OXR1: variants seen among roughly 807,000 people sequenced by gnomAD.
The protein encoded by OXR1 is oxidation resistance 1.
A neutral mutation model predicts 104.6 loss-of-function variants in OXR1; 41 were observed. The ratio of observed to expected loss-of-function variants is 0.39; its 90% CI spans 0.31 to 0.51. The LOEUF is 0.51. Ranked by LOEUF, OXR1 falls within the 20% of genes least tolerant of loss-of-function variation. OXR1 has a pLI of 0.77. For missense variants in OXR1, 955 were observed against 1,031.9 expected, an observed-to-expected ratio of 0.93 and a Z score of 1.02; for synonymous variants, 348 against 348.4, an observed-to-expected ratio of 1.00 and a Z score of 0.01.
chr8:106,270,304 G>C lies in OXR1; in HGVS notation c.-202G>C, dbSNP rs1212804922. Reference sequence around the variant, plus strand: ...GCCGCGCCGCCCAGCCCCGCCGAGAGGGGCGCACTCGCCGCCGCGGGGCCC... The same window carrying C: ...GCCGCGCCGCCCAGCCCCGCCGAGACGGGCGCACTCGCCGCCGCGGGGCCC... On this transcript the variant is annotated 5_prime_UTR_variant, in exon 1 of 17. Coordinates refer to ENST00000517566, the MANE Select transcript of OXR1 (RefSeq NM_001198533.2). The C allele has an allele frequency of 6.6e-6, 1 of 152,404 alleles. No individual in the cohort carries two copies. Among genetic ancestry groups the C allele is most frequent in the African/African-American group, 2.4e-5 (1 of 41,428 alleles). 9.4% of individuals were successfully genotyped at this position (152,404 alleles called of 1,614,324 possible).
chr8:106,381,076 G>A (rs1329205303), intron 2 of OXR1, among the ~76,000 whole-genome samples: 1 of 152,110 alleles, frequency 6.6e-6, no homozygotes, highest in Non-Finnish European at 1.5e-5. Context: ...CTTGAAATTT[G>A]TTGAGAAGGA....
At chr8:106,628,819 G>T (rs1260095992) in intron 3 of OXR1, among the ~76,000 whole-genome samples, 1 of 152,036 alleles carries the variant, frequency 6.6e-6, no homozygotes, top group Non-Finnish European at 1.5e-5. Context: ...CATTGTCTTC[G>T]TACCCTCAGG....
intron 2 of OXR1, among the ~76,000 whole-genome samples, chr8:106,459,886 T>C (rs1820809683): frequency 1.3e-5 from 2 of 152,170 alleles, no homozygotes; most frequent in Admixed American, 6.5e-5. Flanking sequence ...TCATTTTTCA[T>C]CAGGTGCCAC....
chr8:106,361,039 A>G (rs1238072452), intron 2 of OXR1, among the ~76,000 whole-genome samples: 1 of 152,210 alleles, frequency 6.6e-6, no homozygotes, highest in East Asian at 1.9e-4. Flanking sequence ...GCATGCTTCT[A>G]TTAACTGCTT....
At chr8:106,606,105 TG>T (rs1820362531) in intron 3 of OXR1, among the ~76,000 whole-genome samples, 1 of 152,108 alleles carries the variant, frequency 6.6e-6, no homozygotes, top group Non-Finnish European at 1.5e-5. Context: ...TGCATCTCAC[TG>T]GGGCTAAAGT....
chr8:106,584,000 A>G (rs1818441262), intron 3 of OXR1, among the ~76,000 whole-genome samples: 1 of 152,126 alleles, frequency 6.6e-6, no homozygotes, highest in Non-Finnish European at 1.5e-5. Flanking sequence ...GAAAAATTGG[A>G]AGGAAAAGAA....
intron 16 of OXR1, among the ~76,000 whole-genome samples, chr8:106,746,757 C>T (rs1835428232): frequency 6.6e-6 from 1 of 152,086 alleles, no homozygotes; most frequent in Admixed American, 6.6e-5. Context: ...AGTTGTTGAA[C>T]TCAGCATGTA....
chr8:106,311,207 C>T (rs1387491815), intron 1 of OXR1, among the ~76,000 whole-genome samples: 1 of 151,902 alleles, frequency 6.6e-6, no homozygotes, highest in East Asian at 1.9e-4. Flanking sequence ...TTTTAAATTT[C>T]AACGATAATT....
intron 11 of OXR1, among the ~76,000 whole-genome samples, chr8:106,726,939 A>T (rs913412344): frequency 6.6e-6 from 1 of 152,154 alleles, no homozygotes; most frequent in African/African-American, 2.4e-5. Context: ...TATTTTGCTT[A>T]TGAATGTTTA....
intron 3 of OXR1, among the ~76,000 whole-genome samples, chr8:106,578,987 C>CT (rs71307073): frequency 0.013 from 1,809 of 137,888 alleles, 27 homozygotes; most frequent in Middle Eastern, 0.054. Flanking sequence ...CTTTTTCTTT[C>CT]TTTTTTTTTT....
At chr8:106,645,632 C>CT (rs1299216774) in intron 3 of OXR1, among the ~76,000 whole-genome samples, 1 of 152,148 alleles carries the variant, frequency 6.6e-6, no homozygotes, top group Non-Finnish European at 1.5e-5. Context: ...GATTGACCAT[C>CT]TAGGTTTGAA....
chr8:106,492,608 C>T (rs905884449), intron 2 of OXR1, among the ~76,000 whole-genome samples: 2 of 152,124 alleles, frequency 1.3e-5, no homozygotes, highest in Admixed American at 6.5e-5. Flanking sequence ...TACCATTCCC[C>T]CCTCCAGGCT....
intron 2 of OXR1, among the ~76,000 whole-genome samples, chr8:106,379,911 T>C (rs1011125285): frequency 2.0e-5 from 3 of 152,164 alleles, no homozygotes; most frequent in African/African-American, 7.2e-5. Flanking sequence ...TTGGTTCTCA[T>C]ATATATTTTT....
chr8:106,513,659 A>G (rs2444305), intron 2 of OXR1, among the ~76,000 whole-genome samples: 138,183 of 152,260 alleles, frequency 0.91, 62,966 homozygotes, highest in African/African-American at 0.98. Flanking sequence ...AGGAGGAAAG[A>G]AGCCTGAGAA....
At chr8:106,379,751 C>T (rs1817064563) in intron 2 of OXR1, among the ~76,000 whole-genome samples, 1 of 151,814 alleles carries the variant, frequency 6.6e-6, no homozygotes, top group South Asian at 2.1e-4. Flanking sequence ...CCAAGTTGGC[C>T]AGGGTGGTCT....
chr8:106,624,470 G>C (rs1209299619), intron 3 of OXR1, among the ~76,000 whole-genome samples: 1 of 152,142 alleles, frequency 6.6e-6, no homozygotes, highest in Non-Finnish European at 1.5e-5. Context: ...TAACCAGGTA[G>C]AGAGAAAAGC....
At chr8:106,357,757 TTATAAA>T (rs1265398000) in intron 1 of OXR1, among the ~76,000 whole-genome samples, 1 of 152,160 alleles carries the variant, frequency 6.6e-6, no homozygotes, top group Non-Finnish European at 1.5e-5. Flanking sequence ...ATATTTAAAA[TTATAAA>T]TATAAAATGT....
At chr8:106,350,392 G>C (rs1815673750) in intron 1 of OXR1, among the ~76,000 whole-genome samples, 1 of 152,068 alleles carries the variant, frequency 6.6e-6, no homozygotes, top group African/African-American at 2.4e-5. Flanking sequence ...TAGTTCTCTG[G>C]CTATGGTAAA....
At chr8:106,591,810 G>A (rs1214416871) in intron 3 of OXR1, among the ~76,000 whole-genome samples, 3 of 152,150 alleles carry the variant, frequency 2.0e-5, no homozygotes, top group Non-Finnish European at 4.4e-5. Context: ...AGAAAGAAAA[G>A]ACATTTTACA....
Sources: allele counts gnomAD v4.1 joint callset (sites outside exome capture counted in the v4.1 genomes callset), GRCh38; gene constraint gnomAD v4.1.1; transcripts MANE v1.5; gene names NCBI Gene and HGNC (gene_info 2026-07-23, HGNC 2026-07-21).